Variants in ELMO1 observed in about 807,000 individuals in gnomAD.
ELMO1 encodes the protein engulfment and cell motility protein 1.
ELMO1 carries 26 observed loss-of-function variants against 98.9 expected under a neutral mutation model. That is an observed-to-expected ratio of 0.26 (90% CI 0.19 to 0.36). ELMO1 has a LOEUF of 0.36. ELMO1 is among the 10% of genes least tolerant of loss of function. ELMO1 has a pLI of 1.00. For synonymous variants in ELMO1, 346 were observed against 346.0 expected, an observed-to-expected ratio of 1.00 and a Z score of 0.00; for missense variants, 627 against 935.2, an observed-to-expected ratio of 0.67 and a Z score of 4.30.
intron 15 of ELMO1, among the ~76,000 whole-genome samples, chr7:37,091,595 C>G (rs763498522): frequency 2.0e-5 from 3 of 152,144 alleles, no homozygotes; most frequent in Non-Finnish European, 4.4e-5. Context: ...CCCCTCCACT[C>G]TCACTGACCC....
At chr7:36,896,810 A>G (rs1029792559) in intron 16 of ELMO1, among the ~76,000 whole-genome samples, 3 of 152,230 alleles carry the variant, frequency 2.0e-5, no homozygotes, top group Non-Finnish European at 4.4e-5. Flanking sequence ...GCTTTGCTGT[A>G]TCATATGACG....
intron 15 of ELMO1, 121 bp from the exon 16 acceptor site, chr7:37,013,556 G>A: frequency 8.3e-7 from 1 of 1,205,100 alleles, no homozygotes; most frequent in Non-Finnish European, 1.1e-6. Context: ...AGGCAATAAT[G>A]GTGAAAAAGT....
intron 14 of ELMO1, among the ~76,000 whole-genome samples, chr7:37,097,143 T>C (rs575692852): frequency 6.6e-6 from 1 of 152,194 alleles, no homozygotes; most frequent in Non-Finnish European, 1.5e-5. Context: ...GAAGTCCATA[T>C]TCTTACAAGA....
intron 7 of ELMO1, among the ~76,000 whole-genome samples, chr7:37,237,048 C>A (rs185404447): frequency 5.5e-4 from 83 of 152,278 alleles, no homozygotes; most frequent in Admixed American, 1.8e-3. Flanking sequence ...TACTGACAGC[C>A]ACAAATTAAG....
intron 16 of ELMO1, among the ~76,000 whole-genome samples, chr7:36,940,025 T>G (rs1240639084): frequency 2.6e-5 from 4 of 152,218 alleles, no homozygotes; most frequent in Non-Finnish European, 5.9e-5. Flanking sequence ...GACAGGATTT[T>G]GGGTGTGGAA....
intron 15 of ELMO1, among the ~76,000 whole-genome samples, chr7:37,071,575 A>C (rs1380399444): frequency 1.3e-5 from 2 of 152,338 alleles, no homozygotes; most frequent in African/African-American, 4.8e-5. Flanking sequence ...GGTGGTGTAC[A>C]CATAGTCTCT....
intron 1 of ELMO1, among the ~76,000 whole-genome samples, chr7:37,420,414 CATTCACTTTT>C: frequency 1.3e-5 from 2 of 152,298 alleles, no homozygotes; most frequent in South Asian, 4.2e-4. Flanking sequence ...CTAAATAAAC[CATTCACTTTT>C]GTACCTGATT....
rs60918785 is a variant in ELMO1 at position 37,050,609 on chromosome 7, AACACACACACACACAC to A, written c.1301-37190_1301-37175del. Among the ~76,000 whole-genome samples the A allele has an allele frequency of 6.6e-3, 851 of 129,602 alleles. 7 individuals are homozygous for A. Among genetic ancestry groups the A allele is most frequent in the Middle Eastern group, 0.015 (4 of 264 alleles). 85.0% of individuals were successfully genotyped at this position (129,602 alleles called of 152,430 possible). ...AAGAGAGTAGATTTTAGGTGCTCTG[AACACACACACACACAC>A]ACACACACACACACACACACACACA... is the stretch of plus-strand genomic sequence containing the variant. On this transcript the variant is annotated intron_variant, in intron 15 of 21. Transcript: ENST00000310758.
In ELMO1 at chr7:37,175,683, T is replaced by C. The variant is rs138780611; in HGVS notation, c.1086+35703A>G. On this transcript the variant is annotated intron_variant, in intron 13 of 21. Transcript: ENST00000310758. ...AAACATGGTGAAACCTTGTCTCTACTAAACATACAAAAAATTAGCTGGGCG... is the reference window on the plus strand; with the variant it reads ...AAACATGGTGAAACCTTGTCTCTACCAAACATACAAAAAATTAGCTGGGCG... Among the ~76,000 whole-genome samples the C allele has an allele frequency of 5.7e-4, 87 of 152,218 alleles. 2 individuals carry two copies. The East Asian group carries it at 0.016, about 28-fold the overall frequency.
At chr7:37,056,197 C>G (rs1347362955) in intron 15 of ELMO1, among the ~76,000 whole-genome samples, 1 of 152,148 alleles carries the variant, frequency 6.6e-6, no homozygotes, top group Non-Finnish European at 1.5e-5. Flanking sequence ...GACTATAGAT[C>G]CCTAGCCAGT....
chr7:37,347,017 A>G (rs1467998986), intron 1 of ELMO1, among the ~76,000 whole-genome samples: 1 of 152,176 alleles, frequency 6.6e-6, no homozygotes, highest in Non-Finnish European at 1.5e-5. Flanking sequence ...TTGGGAATTC[A>G]CTTAACCAAG....
rs1202278832 is a variant in ELMO1, at chr7:37,224,981, C to T, written c.599G>A (p.Arg200Gln). 3 of 1,614,062 alleles carry T rather than the reference C, an allele frequency of 1.9e-6. No homozygotes were observed. Among genetic ancestry groups the T allele is most frequent in the Non-Finnish European group, 2.5e-6 (3 of 1,179,986 alleles). ...KSAIDISILQ[R>Q]SLAILESMVL... ...CATCGACTCCAAAATGGCCAAGGAC[C>T]GCTGCAGGATCGAGATGTCTATGGC... The change falls in exon 9 of 22, where the codon CGG becomes CAG. Residue 200 changes from arginine to glutamine, a missense_variant. Around this residue, in one of 3 missense-constraint regions of ELMO1, gnomAD observed 492 missense variants for 715.6 expected, o/e 0.69. Coordinates refer to ENST00000310758, the MANE Select transcript of ELMO1 (RefSeq NM_014800.11).
intron 16 of ELMO1, among the ~76,000 whole-genome samples, chr7:36,918,151 G>A (rs1784854453): frequency 6.6e-6 from 1 of 151,878 alleles, no homozygotes; most frequent in South Asian, 2.1e-4. Flanking sequence ...CAAAATAAGA[G>A]GAGGGTCTTG....
At chr7:37,398,589 T>C (rs1370870703) in intron 1 of ELMO1, among the ~76,000 whole-genome samples, 1 of 152,184 alleles carries the variant, frequency 6.6e-6, no homozygotes, top group Non-Finnish European at 1.5e-5. Flanking sequence ...GCAAGGAAAC[T>C]AACGGGCTGA....
intron 13 of ELMO1, among the ~76,000 whole-genome samples, chr7:37,151,618 T>G (rs1788366382): frequency 1.3e-5 from 2 of 152,168 alleles, no homozygotes; most frequent in Admixed American, 6.5e-5. Flanking sequence ...ACAGACGCAT[T>G]CGGCCCCTGT....
At chr7:37,328,070 T>G (rs1302220867) in intron 2 of ELMO1, among the ~76,000 whole-genome samples, 1 of 152,072 alleles carries the variant, frequency 6.6e-6, no homozygotes, top group African/African-American at 2.4e-5. Flanking sequence ...GAGCAAACCA[T>G]ATGAGGGATT....
At chr7:36,920,220 G>C (rs574992857) in intron 16 of ELMO1, among the ~76,000 whole-genome samples, 2 of 152,238 alleles carry the variant, frequency 1.3e-5, no homozygotes, top group African/African-American at 4.8e-5. Context: ...AGAAGTCAAT[G>C]AGTATGTGAA....
chr7:37,303,975 G>T (rs945204431), intron 4 of ELMO1, among the ~76,000 whole-genome samples: 5 of 152,172 alleles, frequency 3.3e-5, no homozygotes, highest in African/African-American at 1.2e-4. Flanking sequence ...GAGTAATGCT[G>T]GTGGCGGTCG....
rs369570886 is a variant in ELMO1, at chr7:37,096,689, T to C, written c.1230A>G (p.Glu410=). Reference sequence around the variant, plus strand: ...CTATACTACTGCGGCCAAAGGGACATTCATGCTTGTCTTCTCGACTACTGT... The same window carrying C: ...CTATACTACTGCGGCCAAAGGGACACTCATGCTTGTCTTCTCGACTACTGT... ...LENSSREDKH[E]CPFGRSSIEL... The change falls in exon 15 of 22, where the codon GAA becomes GAG. Residue 410 remains glutamate (E), a synonymous_variant. Coordinates refer to ENST00000310758, the MANE Select transcript of ELMO1 (RefSeq NM_014800.11). 56 of 1,614,042 alleles carry C rather than the reference T, an allele frequency of 3.5e-5. No homozygotes were observed. The highest frequency in any genetic ancestry group is 4.6e-5 in the Non-Finnish European group (54 of 1,180,002).
Sources: gnomAD v4.1 joint callset for allele counts (sites outside exome capture counted in the v4.1 genomes callset) on GRCh38, gnomAD v4.1.1 for gene constraint, gnomAD v4.1.1 regional missense constraint, MANE v1.5 for transcripts, NCBI Gene and HGNC (gene_info 2026-07-23, HGNC 2026-07-21) for gene names.